Variants in ARHGAP10 observed in about 807,000 individuals in gnomAD.
ARHGAP10 encodes the protein rho GTPase-activating protein 10.
Under a neutral mutation model 108.6 loss-of-function variants are expected in ARHGAP10, and 87 were observed. That is an observed-to-expected ratio of 0.80 (90% CI 0.67 to 0.96). The LOEUF (loss-of-function observed/expected upper bound fraction) is 0.96. Among genes scored for constraint, ARHGAP10 ranks in the 40% least tolerant of loss-of-function variants. ARHGAP10 has a pLI of 0.00. For synonymous variants in ARHGAP10, 347 were observed against 341.1 expected, an observed-to-expected ratio of 1.02 and a Z score of -0.19; for missense variants, 939 against 954.5, an observed-to-expected ratio of 0.98 and a Z score of 0.21.
At chr4:147,803,994 G>GTTTTTTTTTTTT (rs1189718865) in intron 1 of ARHGAP10, among the ~76,000 whole-genome samples, 1 of 132,882 alleles carries the variant, frequency 7.5e-6, no homozygotes. Context: ...TGTATTTTTA[G>GTTTTTTTTTTTT]TTTTTTTTTT....
At chr4:147,776,802 A>G (rs984716186) in intron 1 of ARHGAP10, among the ~76,000 whole-genome samples, 5 of 152,226 alleles carry the variant, frequency 3.3e-5, no homozygotes, top group African/African-American at 1.2e-4. Flanking sequence ...GTATCGCAGC[A>G]TGGACTTCAC....
chr4:147,793,141 A>G (rs183557594), intron 1 of ARHGAP10, among the ~76,000 whole-genome samples: 2 of 151,946 alleles, frequency 1.3e-5, no homozygotes, highest in Admixed American at 1.3e-4. Context: ...CTCTCTGGAA[A>G]AAAAGAAAAT....
At chr4:147,807,155 A>G (rs1731820680) in intron 1 of ARHGAP10, among the ~76,000 whole-genome samples, 1 of 151,996 alleles carries the variant, frequency 6.6e-6, no homozygotes, top group South Asian at 2.1e-4. Flanking sequence ...TTACTGTGTG[A>G]CATATTTTGC....
At position 148,023,151 on chromosome 4, in the gene ARHGAP10, T is replaced by C. The variant is rs1578800064; in HGVS notation, c.1717-112T>C. 5 of 1,282,586 alleles carry C rather than the reference T, an allele frequency of 3.9e-6. No individual in the cohort carries two copies. The East Asian group carries it at 1.2e-4, about 31-fold the overall frequency. 79.5% of individuals were successfully genotyped at this position (1,282,586 alleles called of 1,614,324 possible). Reference sequence around the variant, plus strand: ...ATTGGAAGGAATGGATTTTGGGCTCTAGCCTGTCTTGAATGAACTCCAAAT... The same window carrying C: ...ATTGGAAGGAATGGATTTTGGGCTCCAGCCTGTCTTGAATGAACTCCAAAT... On this transcript the variant is annotated intron_variant, in intron 18 of 22. Coordinates refer to ENST00000336498, the MANE Select transcript of ARHGAP10 (RefSeq NM_024605.4).
intron 18 of ARHGAP10, among the ~76,000 whole-genome samples, chr4:147,978,514 T>G (rs1275049449): frequency 1.3e-5 from 2 of 152,118 alleles, no homozygotes; most frequent in Non-Finnish European, 2.9e-5. Context: ...CCTGTGATAG[T>G]GAGTTTTTCT....
chr4:148,021,715 A>G (rs553151034), intron 18 of ARHGAP10, among the ~76,000 whole-genome samples: 25 of 152,344 alleles, frequency 1.6e-4, no homozygotes, highest in South Asian at 1.4e-3. Flanking sequence ...CAGTAAATCC[A>G]GCTGTGGATA....
chr4:147,751,053 C>A (rs1578999109), intron 1 of ARHGAP10, among the ~76,000 whole-genome samples: 1 of 151,788 alleles, frequency 6.6e-6, no homozygotes. Context: ...ATGGTGCGTG[C>A]CTATAGTCCC....
At chr4:147,795,681 A>AT (rs1040192795) in intron 1 of ARHGAP10, among the ~76,000 whole-genome samples, 12 of 149,100 alleles carry the variant, frequency 8.0e-5, no homozygotes, top group Non-Finnish European at 1.3e-4. Context: ...TTTATTTTTT[A>AT]TTTTTTTAAT....
chr4:147,890,676 A>C (rs570397603), intron 10 of ARHGAP10, among the ~76,000 whole-genome samples: 1 of 152,190 alleles, frequency 6.6e-6, no homozygotes, highest in East Asian at 1.9e-4. Flanking sequence ...AAAATGCAAA[A>C]ATTAACTGGG....
intron 5 of ARHGAP10, chr4:147,863,144 A>G (rs1425556435): frequency 6.6e-6 from 1 of 152,208 alleles, no homozygotes; most frequent in Non-Finnish European, 1.5e-5. Flanking sequence ...GCCCAGTGGT[A>G]TTAAGTACAT....
intron 12 of ARHGAP10, among the ~76,000 whole-genome samples, chr4:147,911,773 A>G (rs1736747069): frequency 6.6e-6 from 1 of 152,178 alleles, no homozygotes; most frequent in South Asian, 2.1e-4. Flanking sequence ...TTATATTTCC[A>G]AAATAGTTTG....
At chr4:147,852,501 G>C (rs775021489) in intron 4 of ARHGAP10, among the ~76,000 whole-genome samples, 2 of 152,120 alleles carry the variant, frequency 1.3e-5, no homozygotes, top group Non-Finnish European at 2.9e-5. Context: ...TGTCAAGTAG[G>C]AACGAGTGAC....
intron 15 of ARHGAP10, among the ~76,000 whole-genome samples, chr4:147,950,007 T>G (rs1560841013): frequency 6.6e-6 from 1 of 152,236 alleles, no homozygotes; most frequent in Non-Finnish European, 1.5e-5. Context: ...TTTTTCTGTC[T>G]TTTTATTTTA....
intron 3 of ARHGAP10, among the ~76,000 whole-genome samples, chr4:147,829,055 A>ATT (rs70958587): frequency 4.3e-4 from 59 of 136,488 alleles, no homozygotes; most frequent in African/African-American, 1.6e-3. Context: ...ATTTTTTTGT[A>ATT]TTTTTTTTTT....
In ARHGAP10 at chr4:147,967,094, A is replaced by G. The variant is rs572647758; in HGVS notation, c.1716+255A>G. ...GCATTTAATCCAGATGTAAGTGAAT[A>G]TCAAGGCAATTGTGAACTATTTAGG... On this transcript the variant is annotated intron_variant, in intron 18 of 22. Transcript: ENST00000336498. Among the ~76,000 whole-genome samples the G allele has an allele frequency of 1.2e-4, 19 of 152,352 alleles. 1 individual carries two copies. The South Asian group carries it at 1.7e-3, about 13-fold the overall frequency.
intron 1 of ARHGAP10, among the ~76,000 whole-genome samples, chr4:147,794,433 A>G (rs752461183): frequency 1.4e-4 from 21 of 152,182 alleles, no homozygotes; most frequent in Non-Finnish European, 2.1e-4. Context: ...AATGTACCAC[A>G]TATATATGTG....
chr4:147,864,717 C>T, intron 5 of ARHGAP10, 129 bp from the exon 6 acceptor site: 1 of 680,372 alleles, frequency 1.5e-6, no homozygotes, highest in Non-Finnish European at 2.5e-6. Context: ...ACCTGTGTTG[C>T]AATACTTTAT....
In ARHGAP10 at chr4:147,990,473, G is replaced by A. The variant is rs144915073; in HGVS notation, c.1716+23634G>A. On this transcript the variant is annotated intron_variant, in intron 18 of 22. Coordinates refer to ENST00000336498, the MANE Select transcript of ARHGAP10 (RefSeq NM_024605.4). ...ATAACTAAAAGTCAGAGTGGGCAACGTGGCCACTTGATGAAGCGGGCCTCT... is the reference window on the plus strand; with the variant it reads ...ATAACTAAAAGTCAGAGTGGGCAACATGGCCACTTGATGAAGCGGGCCTCT... 1.6e-3 allele frequency among the ~76,000 whole-genome samples: 238 copies of A among 152,298 alleles called. 1 individual carries two copies. Among genetic ancestry groups the A allele is most frequent in the African/African-American group, 5.1e-3 (214 of 41,574 alleles).
rs78793407 is a variant in ARHGAP10 at position 148,034,307 on chromosome 4, T to A, written c.1867+10894T>A. On this transcript the variant is annotated intron_variant, in intron 19 of 22. Coordinates refer to ENST00000336498, the MANE Select transcript of ARHGAP10 (RefSeq NM_024605.4). ...CCTAAGTTTGTTGGTAACTAGCATC[T>A]CCCTCTGGCAATTACTTATTTATTT... Among the ~76,000 whole-genome samples, 771 of 152,264 alleles carry A rather than the reference T, an allele frequency of 5.1e-3. 8 individuals carry two copies. The highest frequency in any genetic ancestry group is 6.5e-3 in the Non-Finnish European group (445 of 68,008).
Sources: gnomAD v4.1 joint callset for allele counts (sites outside exome capture counted in the v4.1 genomes callset) on GRCh38, gnomAD v4.1.1 for gene constraint, MANE v1.5 for transcripts, NCBI Gene and HGNC (gene_info 2026-07-23, HGNC 2026-07-21) for gene names.